The following LMLN variants were observed in gnomAD, a reference collection of about 807,000 sequenced individuals.
The protein encoded by LMLN is leishmanolysin-like peptidase.
In LMLN, 70 loss-of-function variants were observed where a neutral mutation model predicts 92.3. That is an observed-to-expected ratio of 0.76 (90% CI 0.63 to 0.92). The LOEUF (loss-of-function observed/expected upper bound fraction) is 0.92, where lower values mean the gene tolerates loss of function less well. LMLN is among the 40% of genes least tolerant of loss of function. LMLN has a pLI of 0.00. For missense variants in LMLN, 691 were observed against 814.6 expected (o/e 0.85, Z 1.85); for synonymous variants, 308 against 296.2 (o/e 1.04, Z -0.41).
In LMLN at chr3:197,967,399, G is replaced by A. The variant is rs987726999; in HGVS notation, c.219+6959G>A. On this transcript the variant is annotated intron_variant, in intron 1 of 15. Coordinates refer to ENST00000330198, the Ensembl canonical transcript of LMLN. ...TAGGACCGTGATGCCCGCCTGAGCC[G>A]CAAAAGCAGCAGGTTTTTATTAAGG... is the stretch of plus-strand genomic sequence containing the variant. 1.2e-4 allele frequency among the ~76,000 whole-genome samples: 18 copies of A among 152,170 alleles called. No individual in the cohort carries two copies. The South Asian group carries it at 2.3e-3, about 19-fold the overall frequency.
chr3:197,961,031 T>C (rs926737235), intron 1 of LMLN, among the ~76,000 whole-genome samples: 4 of 152,310 alleles, frequency 2.6e-5, no homozygotes, highest in African/African-American at 9.6e-5. Context: ...CCATCCCATT[T>C]TTCTCTCTGC....
intron 10 of LMLN, among the ~76,000 whole-genome samples, chr3:197,998,717 A>C (rs943421459): frequency 3.3e-5 from 5 of 152,206 alleles, no homozygotes; most frequent in Admixed American, 3.3e-4. Context: ...TCCTGATAGG[A>C]ATTGTATGGT....
intron 14 of LMLN, among the ~76,000 whole-genome samples, chr3:198,028,649 A>C (rs942180977): frequency 1.3e-5 from 2 of 152,172 alleles, no homozygotes; most frequent in Admixed American, 6.5e-5. Context: ...TTTTAATATA[A>C]ATTTTTAAGT....
intron 11 of LMLN, among the ~76,000 whole-genome samples, chr3:198,014,892 G>A (rs1722578341): frequency 7.3e-6 from 1 of 137,232 alleles, no homozygotes; most frequent in Non-Finnish European, 1.6e-5. Flanking sequence ...CCCCTACCTA[G>A]TCTGACTTCT....
intron 1 of LMLN, among the ~76,000 whole-genome samples, chr3:197,968,717 CAT>C (rs1322392157): frequency 6.6e-6 from 1 of 152,180 alleles, no homozygotes; most frequent in African/African-American, 2.4e-5. Flanking sequence ...ATGCTGGTCT[CAT>C]AGCATGAGTT....
rs552238061 is a variant in LMLN at position 197,974,548 on chromosome 3, A to C, written c.317+74A>C. 665 of 751,460 alleles carry C rather than the reference A, an allele frequency of 8.8e-4. 4 individuals are homozygous for C. The African/African-American group carries it at 0.011, about 12-fold the overall frequency. 46.5% of individuals were successfully genotyped at this position (751,460 alleles called of 1,614,324 possible). ...TAAAGATATTTTTGTCTGTTACCTG[A>C]AGTTCTAAGAATCCATAGATAAAAC... On this transcript the variant is annotated intron_variant, in intron 2 of 15. Coordinates refer to ENST00000330198, the Ensembl canonical transcript of LMLN.
chr3:197,976,692 ATTG>A, exon 5 of LMLN: 1 of 1,552,360 alleles, frequency 6.4e-7, no homozygotes, highest in Non-Finnish European at 8.8e-7. Flanking sequence ...CGGCCCCGTT[ATTG>A]TTCCTGAGGA....
In LMLN at chr3:198,021,535, G is replaced by A. The variant is rs780662072; in HGVS notation, c.1455G>A (p.Gln485=). ...TTGCTGACTACTGCCCTTTCAGTCA[G>A]GAATTCAGTTGGCATTTAAGTGGTG... is the stretch of plus-strand genomic sequence containing the variant. Residue 485 remains glutamine (Q), a synonymous_variant, in exon 13 of 16, where the codon CAG becomes CAA. Transcript: ENST00000330198. 2.0e-5 allele frequency: 32 copies of A among 1,614,030 alleles called. No individual in the cohort carries two copies. The African/African-American group carries it at 3.9e-4, about 20-fold the overall frequency.
intron 11 of LMLN, among the ~76,000 whole-genome samples, chr3:198,001,634 C>T (rs1054568658): frequency 6.6e-6 from 1 of 152,178 alleles, no homozygotes; most frequent in South Asian, 2.1e-4. Flanking sequence ...GCAGAAGTTG[C>T]AGGCATTTTG....
intron 11 of LMLN, among the ~76,000 whole-genome samples, chr3:198,014,911 A>T (rs13081190): frequency 2.8e-3 from 194 of 68,760 alleles, no homozygotes; most frequent in Middle Eastern, 0.011. Context: ...CTCTCCACCC[A>T]TCAGAGCCCC....
chr3:197,972,942 G>C (rs73894236), intron 1 of LMLN, among the ~76,000 whole-genome samples: 230 of 152,100 alleles, frequency 1.5e-3, no homozygotes, highest in African/African-American at 5.1e-3. Context: ...TAATTTTCTG[G>C]TGATACAAGT....
At chr3:197,967,639 T>G (rs886999792) in intron 1 of LMLN, among the ~76,000 whole-genome samples, 3 of 152,156 alleles carry the variant, frequency 2.0e-5, no homozygotes, top group African/African-American at 7.2e-5. Flanking sequence ...ATAAACATCT[T>G]AAACAACAGA....
intron 8 of LMLN, among the ~76,000 whole-genome samples, chr3:197,988,208 T>C (rs79442172): frequency 0.064 from 9,760 of 151,746 alleles, 374 homozygotes; most frequent in African/African-American, 0.099. Context: ...GGTCTCGAAC[T>C]CCTGGGCTCA....
chr3:198,034,848 T>C (rs1723168961), intron 14 of LMLN, among the ~76,000 whole-genome samples: 1 of 152,166 alleles, frequency 6.6e-6, no homozygotes, highest in Non-Finnish European at 1.5e-5. Flanking sequence ...CTATGCTGTA[T>C]AAATTCTTGT....
rs756215649 is a variant in LMLN at position 197,980,517 on chromosome 3, C to T, written c.728+13C>T. 31 of 1,605,278 alleles carry T rather than the reference C, an allele frequency of 1.9e-5. No individual in the cohort carries two copies. The highest frequency in any genetic ancestry group is 2.6e-5 in the Non-Finnish European group (31 of 1,174,270). On this transcript the variant is annotated intron_variant, in intron 6 of 15. Transcript: ENST00000330198. ...CAAACATGGACAGGTAATCTTTCCT[C>T]CGGGACTTAGTTTCCAAGATCTAAT...
rs1722910161 is a variant in LMLN at position 198,025,572 on chromosome 3, G to A, written c.1656+784G>A. Among the ~76,000 whole-genome samples, 1 of 152,110 alleles carries A rather than the reference G, an allele frequency of 6.6e-6. No individual in the cohort carries two copies. The highest frequency in any genetic ancestry group is 2.4e-5 in the African/African-American group (1 of 41,416). ...TTTTGTAGAGAAGAGGTCTCACTAT[G>A]TTGCCCAGGCTAGATTAGAACTTCG... On this transcript the variant is annotated intron_variant, in intron 14 of 15. Coordinates refer to ENST00000330198, the Ensembl canonical transcript of LMLN. This position sits in a 1 kb window ranked among gnomAD's most constrained non-coding sequence, Gnocchi z 4.3.
At chr3:198,024,478 A>G (rs543956214) in intron 13 of LMLN, among the ~76,000 whole-genome samples, 180 bp from the exon 15 acceptor site, 5 of 151,680 alleles carry the variant, frequency 3.3e-5, no homozygotes, top group East Asian at 1.9e-4. Flanking sequence ...GCCTCACAAA[A>G]CCCTGGGATT....
At position 198,040,522 on chromosome 3, in the gene LMLN, C is replaced by G. The variant is rs1723373331; in HGVS notation, c.*1855C>G. ...TGGCATTCTAACCACAACCCTCGGA[C>G]AGACTCCTCCTATTCCTCCATGGCA... On this transcript the variant is annotated 3_prime_UTR_variant, in exon 16 of 16. Coordinates refer to ENST00000330198, the Ensembl canonical transcript of LMLN. The G allele has an allele frequency of 6.6e-5, 10 of 151,710 alleles. No homozygotes were observed. In the South Asian group the frequency reaches 2.1e-3, roughly 31 times the overall value. 9.4% of individuals were successfully genotyped at this position (151,710 alleles called of 1,614,324 possible). A position where few individuals can be genotyped will look rare whatever the true frequency, so the allele number is the denominator to read the frequency against.
intron 14 of LMLN, among the ~76,000 whole-genome samples, chr3:198,028,091 C>T (rs555409731): frequency 6.6e-6 from 1 of 152,266 alleles, no homozygotes; most frequent in South Asian, 2.1e-4. Flanking sequence ...ACACTCGTGG[C>T]CTTCCGCACC....
Sources: gnomAD v4.1 joint callset for allele counts (sites outside exome capture counted in the v4.1 genomes callset) on GRCh38, gnomAD v4.1.1 for gene constraint, Gnocchi (gnomAD v3.1) non-coding constraint, MANE v1.5 for transcripts, NCBI Gene and HGNC (gene_info 2026-07-23, HGNC 2026-07-21) for gene names.